Variants in TTC6 observed in about 807,000 individuals in gnomAD.
TTC6 encodes tetratricopeptide repeat protein 6.
TTC6 carries 172 observed loss-of-function variants against 210.4 expected under a neutral mutation model. The observed-to-expected ratio is 0.82, with a 90% CI of 0.72 to 0.93. The LOEUF (loss-of-function observed/expected upper bound fraction) is 0.93. Among genes scored for constraint, TTC6 ranks in the 40% least tolerant of loss-of-function variants. TTC6 has a pLI of 0.00. For synonymous variants in TTC6, 804 were observed against 819.6 expected (o/e 0.98, Z 0.32); for missense variants, 2,414 against 2,318.1 (o/e 1.04, Z -0.85).
At chr14:37,721,847 CATATATATATATATAT>C (rs35265224) in intron 6 of TTC6, among the ~76,000 whole-genome samples, 6 of 117,266 alleles carry the variant, frequency 5.1e-5, no homozygotes, top group Non-Finnish European at 1.1e-4. Flanking sequence ...TGAGTTTCAC[CATATATATATATATAT>C]ATATATATAT....
chr14:37,781,438 G>C (rs1409806075), intron 14 of TTC6, among the ~76,000 whole-genome samples: 1 of 151,276 alleles, frequency 6.6e-6, no homozygotes, highest in African/African-American at 2.4e-5. Context: ...TTTTTGAAAA[G>C]TGTTCATATC....
chr14:37,787,490 G>A, exon 15 of TTC6: 1 of 1,528,620 alleles, frequency 6.5e-7, no homozygotes, highest in Non-Finnish European at 8.8e-7. Context: ...GATTGCATAT[G>A]TTAAATGGAA....
intron 23 of TTC6, 93 bp from the exon 26 acceptor site, chr14:37,808,640 C>T (rs1003627992): frequency 3.0e-6 from 2 of 668,010 alleles, no homozygotes; most frequent in Non-Finnish European, 5.0e-6. Context: ...ATGAGTGTTT[C>T]AAAAACTCTG....
At chr14:37,757,036 T>C (rs1359549884) in intron 14 of TTC6, among the ~76,000 whole-genome samples, 1 of 152,154 alleles carries the variant, frequency 6.6e-6, no homozygotes, top group Non-Finnish European at 1.5e-5. Flanking sequence ...AACTTGTTAT[T>C]GGTCTATTCA....
intron 25 of TTC6, among the ~76,000 whole-genome samples, chr14:37,815,815 T>C (rs948734207): frequency 6.6e-6 from 1 of 152,164 alleles, no homozygotes; most frequent in African/African-American, 2.4e-5. Flanking sequence ...AACTTTATTC[T>C]AAGTAATGCT....
chr14:37,715,926 A>C (rs2095851921), intron 6 of TTC6, among the ~76,000 whole-genome samples: 1 of 152,224 alleles, frequency 6.6e-6, no homozygotes, highest in Admixed American at 6.5e-5. Flanking sequence ...TAAAGCAAAA[A>C]TATGGGTAAG....
intron 1 of TTC6, among the ~76,000 whole-genome samples, chr14:37,674,783 A>G (rs1000733118): frequency 6.6e-6 from 1 of 152,140 alleles, no homozygotes; most frequent in African/African-American, 2.4e-5. Context: ...TTACCTCTAC[A>G]TCGATTTGTG....
At position 37,668,567 on chromosome 14, in the gene TTC6, G is replaced by A. The variant is rs75476814; in HGVS notation, c.940-11584G>A. Among the ~76,000 whole-genome samples, 60 of 135,684 alleles carry A rather than the reference G, an allele frequency of 4.4e-4. No homozygotes were observed. In the East Asian group the frequency reaches 0.011, roughly 24 times the overall value. The allele number at this position is 135,684 out of a possible 152,430, so 89.0% of individuals were successfully genotyped here. A position where few individuals can be genotyped will look rare whatever the true frequency, so the allele number is the denominator to read the frequency against. ...CTGCAAGCTCTTGAGTCCTAGGGTA[G>A]GAATTGGCGCATCGTTACTTTTGGC... On this transcript the variant is annotated intron_variant, in intron 1 of 30. Transcript: ENST00000553443.
intron 1 of TTC6, among the ~76,000 whole-genome samples, chr14:37,639,929 A>G (rs1454702388): frequency 1.3e-5 from 2 of 149,722 alleles, no homozygotes; most frequent in African/African-American, 2.4e-5. Flanking sequence ...ATATCTATAT[A>G]TCTATATATC....
chr14:37,829,178 CTT>C (rs2096179069), intron 29 of TTC6, among the ~76,000 whole-genome samples: 1 of 151,688 alleles, frequency 6.6e-6, no homozygotes, highest in South Asian at 2.1e-4. Context: ...TGGTATGTCT[CTT>C]TTATACTGTA....
chr14:37,737,630 A>G (rs2095905342), intron 8 of TTC6, 30 bp from the exon 11 acceptor site: 2 of 1,265,376 alleles, frequency 1.6e-6, no homozygotes, highest in Non-Finnish European at 2.2e-6. Context: ...TCTGTGACTA[A>G]TGTATATTTT....
chr14:37,758,598 C>T (rs752914673), intron 14 of TTC6, among the ~76,000 whole-genome samples: 10 of 152,204 alleles, frequency 6.6e-5, no homozygotes, highest in Non-Finnish European at 1.3e-4. Flanking sequence ...AGAGATGGGT[C>T]TCCTGAATGT....
At chr14:37,790,746 G>C in exon 16 of TTC6, 3 of 1,534,132 alleles carry the variant, frequency 2.0e-6, no homozygotes, top group East Asian at 2.5e-5. Context: ...TGAGAATCTT[G>C]GTTGTTTTCT....
intron 1 of TTC6, among the ~76,000 whole-genome samples, chr14:37,632,073 T>C (rs1406342785): frequency 1.3e-5 from 2 of 152,208 alleles, no homozygotes; most frequent in Non-Finnish European, 2.9e-5. Context: ...TTCCTTTAGC[T>C]TGGAGGAGTT....
chr14:37,826,699 T>TCTTC (rs1275664295), intron 28 of TTC6, among the ~76,000 whole-genome samples: 1 of 152,114 alleles, frequency 6.6e-6, no homozygotes, highest in Admixed American at 6.6e-5. Context: ...ATCCCCAGAA[T>TCTTC]CTTCCTGTAG....
At chr14:37,692,860 AAAATAAATAAATAAATAAATAAAT>A (rs3985274) in intron 3 of TTC6, among the ~76,000 whole-genome samples, 1 of 143,526 alleles carries the variant, frequency 7.0e-6, no homozygotes, top group Non-Finnish European at 1.5e-5. Flanking sequence ...CTCCATCTCA[AAAATAAATAAATAAATAAATAAAT>A]AAATAAATAA....
At chr14:37,799,573 A>C (rs556621723) in intron 20 of TTC6, among the ~76,000 whole-genome samples, 1 of 152,144 alleles carries the variant, frequency 6.6e-6, no homozygotes, top group Non-Finnish European at 1.5e-5. Flanking sequence ...TGTCACTCCC[A>C]TGATTATATT....
chr14:37,754,760 A>C (rs2095962556), intron 14 of TTC6, among the ~76,000 whole-genome samples: 1 of 152,116 alleles, frequency 6.6e-6, no homozygotes, highest in African/African-American at 2.4e-5. Context: ...ATGGCTGCAT[A>C]GTATTCCATG....
chr14:37,736,563 A>G (rs1334249313), intron 8 of TTC6, among the ~76,000 whole-genome samples: 1 of 151,958 alleles, frequency 6.6e-6, no homozygotes, highest in Non-Finnish European at 1.5e-5. Context: ...TTCAATATCA[A>G]AGGAACATGT....
Sources: allele counts gnomAD v4.1 joint callset (sites outside exome capture counted in the v4.1 genomes callset), GRCh38; gene constraint gnomAD v4.1.1; transcripts MANE v1.5; gene names NCBI Gene and HGNC (gene_info 2026-07-23, HGNC 2026-07-21).